Variants in SH2D1A observed in about 807,000 individuals in gnomAD.
SH2D1A encodes SH2 domain containing 1A, also known as SH2 domain-containing protein 1A.
A neutral mutation model predicts 10.1 loss-of-function variants in SH2D1A; 6 were observed. That is an observed-to-expected ratio of 0.60 (90% CI 0.33 to 1.18). The LOEUF is 1.18. Ranked by LOEUF, SH2D1A falls within the 50% of genes most tolerant of loss-of-function variation. The pLI, the probability that SH2D1A is intolerant of heterozygous loss-of-function variation, is 0.04. For missense variants in SH2D1A, 51 were observed against 97.6 expected (o/e 0.52, Z 2.01); for synonymous variants, 42 against 36.9 (o/e 1.14, Z -0.51).
In SH2D1A at chrX:124,372,514, AG is replaced by A; in HGVS notation, c.*1124del. On this transcript the variant is annotated 3_prime_UTR_variant, in exon 4 of 4. Transcript: ENST00000371139. ...GACAGTGAAAGAAAATAACGATAAA[AG>A]ACAGTGAAAGAAAATAACAATAAAA... 5.8e-6 allele frequency: 1 copy of A among 172,648 alleles called. No individual in the cohort carries two copies. The highest frequency in any genetic ancestry group is 1.1e-5 in the Non-Finnish European group (1 of 89,654). 14.2% of individuals were successfully genotyped at this position (172,648 alleles called of 1,213,427 possible). A position where few individuals can be genotyped will look rare whatever the true frequency, so the allele number is the denominator to read the frequency against.
At chrX:124,363,913 A>AG (rs1569527531) in intron 1 of SH2D1A, among the ~76,000 whole-genome samples, 2 of 103,550 alleles carry the variant, frequency 1.9e-5, no homozygotes, top group Non-Finnish European at 2.0e-5. Context: ...AAAAAAAAAA[A>AG]AAAGAAAGAA....
chrX:124,371,267 TG>T, intron 3 of SH2D1A, 83 bp from the exon 4 acceptor site: 1 of 659,574 alleles, frequency 1.5e-6, no homozygotes, highest in South Asian at 2.6e-5. Flanking sequence ...TTTATGCAGT[TG>T]GAAATTTTAT....
chrX:124,363,353 T>A (rs1322638189), intron 1 of SH2D1A, among the ~76,000 whole-genome samples: 9 of 111,957 alleles, frequency 8.0e-5, no homozygotes, highest in African/African-American at 2.9e-4. Flanking sequence ...TTCATATATT[T>A]TTTACTATTA....
chrX:124,366,130 T>C (rs1430507741), intron 2 of SH2D1A, among the ~76,000 whole-genome samples: 1 of 111,250 alleles, frequency 9.0e-6, no homozygotes, highest in Admixed American at 9.7e-5. Flanking sequence ...AATAATTAAA[T>C]GAACAATTAT....
chrX:124,351,077 ATT>A (rs2060013679), intron 1 of SH2D1A, among the ~76,000 whole-genome samples: 1 of 92,967 alleles, frequency 1.1e-5, no homozygotes, highest in Non-Finnish European at 2.1e-5. Context: ...TTTTATATAT[ATT>A]ATTATAAATA....
intron 1 of SH2D1A, among the ~76,000 whole-genome samples, chrX:124,363,890 CAAAAAAAA>C (rs1211666787): frequency 1.2e-4 from 4 of 33,281 alleles, no homozygotes; most frequent in African/African-American, 1.3e-4. Context: ...GACTCTATCT[CAAAAAAAA>C]AAAAAAAAAA....
Position 124,372,063 on chromosome X carries a change from T to C in SH2D1A, c.*672T>C, listed in dbSNP as rs184828728. ...GTATTTGATGCTACAGGATTTGAAA[T>C]TGTATTACAAATCCAATGAAATGAG... On this transcript the variant is annotated 3_prime_UTR_variant, in exon 4 of 4. Coordinates refer to ENST00000371139, the MANE Select transcript of SH2D1A (RefSeq NM_002351.5). 2.5e-5 allele frequency: 4 copies of C among 159,487 alleles called. No homozygotes were observed. Among genetic ancestry groups the C allele is most frequent in the African/African-American group, 1.2e-4 (4 of 33,049 alleles). 13.1% of individuals were successfully genotyped at this position (159,487 alleles called of 1,213,427 possible).
intron 1 of SH2D1A, among the ~76,000 whole-genome samples, chrX:124,351,102 T>C (rs1199757606): frequency 3.1e-5 from 3 of 95,393 alleles, no homozygotes; most frequent in African/African-American, 1.1e-4. Context: ...TATTTATATA[T>C]ATTTATATAT....
rs2060069037 is a variant in SH2D1A, at chrX:124,371,464, T to C, written c.*73T>C. On this transcript the variant is annotated 3_prime_UTR_variant, in exon 4 of 4. Transcript: ENST00000371139. The stretch of plus-strand genomic sequence containing the variant: ...GCTAAGTCTTATATATTGTAGATAA[T>C]ACAGTTCGGTGAGCTACAAATGCAT... 1.5e-6 allele frequency: 1 copy of C among 673,332 alleles called. No homozygotes were observed. Among genetic ancestry groups the C allele is most frequent in the Non-Finnish European group, 2.3e-6 (1 of 440,313 alleles). The allele number at this position is 673,332 out of a possible 1,213,427, so 55.5% of individuals were successfully genotyped here.
rs1603239508 is a variant in SH2D1A at position 124,371,486 on chromosome X, G to C, written c.*95G>C. 1.7e-6 allele frequency: 1 copy of C among 579,044 alleles called. No individual in the cohort carries two copies. 47.7% of individuals were successfully genotyped at this position (579,044 alleles called of 1,213,427 possible). A position where few individuals can be genotyped will look rare whatever the true frequency, so the allele number is the denominator to read the frequency against. ...TAATACAGTTCGGTGAGCTACAAATGCATTTCTAAAGCCATTGTAGTCCTG... is the reference window on the plus strand; with the variant it reads ...TAATACAGTTCGGTGAGCTACAAATCCATTTCTAAAGCCATTGTAGTCCTG... On this transcript the variant is annotated 3_prime_UTR_variant, in exon 4 of 4. Transcript: ENST00000371139.
rs2060070177 is a variant in SH2D1A, at chrX:124,371,854, C to G, written c.*463C>G. Reference sequence around the variant, plus strand: ...TCCACTAGCTATGGTGTCATAGGCTCTTTTGGGATTTTTGAAGCTGTATAC... The same window carrying G: ...TCCACTAGCTATGGTGTCATAGGCTGTTTTGGGATTTTTGAAGCTGTATAC... On this transcript the variant is annotated 3_prime_UTR_variant, in exon 4 of 4. Transcript: ENST00000371139. The G allele has an allele frequency of 6.3e-6, 1 of 159,342 alleles. No homozygotes were observed. Among genetic ancestry groups the G allele is most frequent in the South Asian group, 3.3e-4 (1 of 3,035 alleles). The allele number at this position is 159,342 out of a possible 1,213,427, so 13.1% of individuals were successfully genotyped here.
chrX:124,370,432 G>A, intron 3 of SH2D1A, 112 bp downstream of exon 3: 1 of 629,709 alleles, frequency 1.6e-6, no homozygotes, highest in Non-Finnish European at 2.7e-6. Flanking sequence ...CAGTGAGAAA[G>A]TAGATGTAGC....
rs1569527701 is a variant in SH2D1A, at chrX:124,371,383, G to A, written c.379G>A (p.Ala127Thr). Reference protein sequence around the residue: ...IREDPDVCLKAP With the variant: ...IREDPDVCLKTP ...AGAAGATCCTGATGTCTGCCTGAAA[G>A]CCCCATGAAGAAAAATAAAACACCT... Residue 127 changes from alanine (A) to threonine (T), a missense_variant, in exon 4 of 4, where the codon GCC becomes ACC. Ala to Thr is a moderately conservative substitution (Grantham distance 58, BLOSUM62 0). Coordinates refer to ENST00000371139, the MANE Select transcript of SH2D1A (RefSeq NM_002351.5). 8.7e-7 allele frequency: 1 copy of A among 1,155,989 alleles called. No individual in the cohort carries two copies. Among genetic ancestry groups the A allele is most frequent in the East Asian group, 3.0e-5 (1 of 33,515 alleles).
intron 1 of SH2D1A, among the ~76,000 whole-genome samples, chrX:124,347,235 G>T: frequency 9.0e-6 from 1 of 111,146 alleles, no homozygotes; most frequent in African/African-American, 3.3e-5. Context: ...TTAAGAAACA[G>T]AGTCAATTAC....
rs2060074067 is a variant in SH2D1A at position 124,373,124 on chromosome X, C to T, written c.*1733C>T. On this transcript the variant is annotated 3_prime_UTR_variant, in exon 4 of 4. Transcript: ENST00000371139. Reference sequence around the variant, plus strand: ...TTTTTTTGAATCATCAAGTCTTTCACATTTAAATAAAGTGTTTGAAAGCTT... The same window carrying T: ...TTTTTTTGAATCATCAAGTCTTTCATATTTAAATAAAGTGTTTGAAAGCTT... 6.9e-6 allele frequency: 1 copy of T among 145,270 alleles called. No homozygotes were observed. Among genetic ancestry groups the T allele is most frequent in the East Asian group, 1.1e-4 (1 of 9,192 alleles). The allele number at this position is 145,270 out of a possible 1,213,427, so 12.0% of individuals were successfully genotyped here.
intron 1 of SH2D1A, among the ~76,000 whole-genome samples, chrX:124,363,641 C>T (rs2060045584): frequency 9.0e-6 from 1 of 110,506 alleles, no homozygotes; most frequent in African/African-American, 3.3e-5. Flanking sequence ...CACCTATAAT[C>T]CCAGCACTGT....
chrX:124,361,052 A>G (rs755785849), intron 1 of SH2D1A, among the ~76,000 whole-genome samples: 1 of 111,758 alleles, frequency 8.9e-6, no homozygotes, highest in Non-Finnish European at 1.9e-5. Flanking sequence ...TCCAAAGGAG[A>G]TAATGCATGT....
intron 1 of SH2D1A, among the ~76,000 whole-genome samples, chrX:124,354,860 A>G (rs1314582405): frequency 8.9e-6 from 1 of 112,194 alleles, no homozygotes; most frequent in African/African-American, 3.2e-5. Context: ...TCAAAATATC[A>G]CATAGTTTTA....
At position 124,356,698 on chromosome X, in the gene SH2D1A, A is replaced by G. The variant is rs1189026925; in HGVS notation, c.138-9063A>G. On this transcript the variant is annotated intron_variant, in intron 1 of 3. Transcript: ENST00000371139. ...CTGGTCTCGAACTCCTGACCTTGTG[A>G]TCCACCCACTTCAGCCTCCCAGAGT... 2.7e-5 allele frequency among the ~76,000 whole-genome samples: 3 copies of G among 111,935 alleles called. No individual in the cohort carries two copies. In the Admixed American group the frequency reaches 2.8e-4, roughly 11 times the overall value.
Sources: gnomAD v4.1 joint callset for allele counts (sites outside exome capture counted in the v4.1 genomes callset) on GRCh38, gnomAD v4.1.1 for gene constraint, MANE v1.5 for transcripts, NCBI Gene and HGNC (gene_info 2026-07-23, HGNC 2026-07-21) for gene names.